Variants in IPO9 observed in about 807,000 individuals in gnomAD.
IPO9 encodes the protein importin-9.
In IPO9, 28 loss-of-function variants were observed where a neutral mutation model predicts 128.6. That is an observed-to-expected ratio of 0.22 (90% CI 0.16 to 0.30). The LOEUF is 0.30. IPO9 is among the 10% of genes least tolerant of loss of function. The probability of loss-of-function intolerance (pLI) is 1.00; values close to 1 mark genes in which losing one functional copy is unlikely to be tolerated. For synonymous variants in IPO9, 455 were observed against 475.8 expected (o/e 0.96, Z 0.57); for missense variants, 935 against 1,293.9 (o/e 0.72, Z 4.26).
Position 201,836,165 on chromosome 1 carries a change from A to G in IPO9, c.163+6793A>G, listed in dbSNP as rs529386582. Among the ~76,000 whole-genome samples the G allele has an allele frequency of 2.5e-4, 38 of 150,614 alleles. No homozygotes were observed. The South Asian group carries it at 7.8e-3, about 31-fold the overall frequency. ...AAAACAGACACCAATCAGTAAAACCAGAAGTCCCCCAACACACACACACGT... is the reference window on the plus strand; with the variant it reads ...AAAACAGACACCAATCAGTAAAACCGGAAGTCCCCCAACACACACACACGT... On this transcript the variant is annotated intron_variant, in intron 1 of 23. Coordinates refer to ENST00000361565, the MANE Select transcript of IPO9 (RefSeq NM_018085.5).
At chr1:201,858,652 G>T in intron 12 of IPO9, 99 bp downstream of exon 12, 1 of 878,820 alleles carries the variant, frequency 1.1e-6, no homozygotes, top group Non-Finnish European at 1.7e-6. Context: ...TGAAAATCTG[G>T]TTTTAATTTA....
At chr1:201,858,800 T>C (rs1290044299) in intron 12 of IPO9, 55 bp from the exon 13 acceptor site, 3 of 1,534,754 alleles carry the variant, frequency 2.0e-6, no homozygotes, top group East Asian at 4.6e-5. Flanking sequence ...TCCTCAAATA[T>C]TTATCTCTTT....
Position 201,854,822 on chromosome 1 carries a change from G to A in IPO9, c.811-1G>A. On this transcript the variant is annotated splice_acceptor_variant, in intron 7 of 23. Coordinates refer to ENST00000361565, the MANE Select transcript of IPO9 (RefSeq NM_018085.5). LOFTEE classifies it high-confidence loss of function. Reference sequence around the variant, plus strand: ...TGGGTCCTTTTCTCTTAACTTCTTAGGCAGTGACAGCCCTAGTGAAAAACT... The same window carrying A: ...TGGGTCCTTTTCTCTTAACTTCTTAAGCAGTGACAGCCCTAGTGAAAAACT... 6.2e-7 allele frequency: 1 copy of A among 1,606,320 alleles called. No individual in the cohort carries two copies. Among genetic ancestry groups the A allele is most frequent in the Non-Finnish European group, 8.5e-7 (1 of 1,177,458 alleles).
At chr1:201,872,508 G>A (rs1232160990) in intron 19 of IPO9, among the ~76,000 whole-genome samples, 1 of 152,108 alleles carries the variant, frequency 6.6e-6, no homozygotes, top group Non-Finnish European at 1.5e-5. Flanking sequence ...GGAGGCTGAG[G>A]TGGGAGGATC....
intron 15 of IPO9, 74 bp downstream of exon 15, chr1:201,867,033 T>G: frequency 8.1e-7 from 1 of 1,238,360 alleles, no homozygotes; most frequent in South Asian, 1.2e-5. Flanking sequence ...AAATGAAAGA[T>G]TCCCTAGGTC....
At chr1:201,875,365 G>C (rs1680742741) in intron 23 of IPO9, 137 bp downstream of exon 23, 1 of 767,596 alleles carries the variant, frequency 1.3e-6, no homozygotes, top group Admixed American at 2.0e-5. Context: ...CAAGGCGGGA[G>C]GATTGCTTAA....
intron 1 of IPO9, among the ~76,000 whole-genome samples, chr1:201,832,966 T>C (rs1407755182): frequency 6.6e-6 from 1 of 152,228 alleles, no homozygotes; most frequent in African/African-American, 2.4e-5. Context: ...AATTGTACTA[T>C]AGATGAGATT....
chr1:201,839,373 C>T (rs1392094380), intron 1 of IPO9, among the ~76,000 whole-genome samples: 2 of 151,952 alleles, frequency 1.3e-5, no homozygotes, highest in African/African-American at 4.8e-5. Context: ...CGCACCACCA[C>T]GCCCAGCTGA....
intron 20 of IPO9, among the ~76,000 whole-genome samples, chr1:201,873,971 T>G (rs1365970262): frequency 1.3e-5 from 2 of 152,250 alleles, no homozygotes; most frequent in Non-Finnish European, 2.9e-5. Context: ...ACTGGAGTAC[T>G]GGCTCTATAC....
At chr1:201,875,569 G>A (rs541121812) in intron 23 of IPO9, among the ~76,000 whole-genome samples, 9 of 148,822 alleles carry the variant, frequency 6.0e-5, no homozygotes, top group East Asian at 3.9e-4. Flanking sequence ...GAGCCTGGGC[G>A]ACAAAGCAAG....
At chr1:201,845,722 A>G (rs1680114146) in intron 1 of IPO9, among the ~76,000 whole-genome samples, 1 of 152,120 alleles carries the variant, frequency 6.6e-6, no homozygotes, top group African/African-American at 2.4e-5. Flanking sequence ...TTTTTTTCAC[A>G]CTGTTTGAAA....
chr1:201,849,509 C>A (rs1187025107), intron 4 of IPO9, among the ~76,000 whole-genome samples: 1 of 152,196 alleles, frequency 6.6e-6, no homozygotes, highest in African/African-American at 2.4e-5. Flanking sequence ...AATATCTTAT[C>A]TCTTTTTCTA....
At chr1:201,853,954 T>C (rs11577900) in intron 6 of IPO9, among the ~76,000 whole-genome samples, 22,788 of 152,154 alleles carry the variant, frequency 0.15, 2,234 homozygotes, top group Non-Finnish European at 0.22. Flanking sequence ...GCCAGGATGG[T>C]CTCAATATCT....
chr1:201,845,954 A>G (rs1680118166), intron 1 of IPO9, among the ~76,000 whole-genome samples: 1 of 152,132 alleles, frequency 6.6e-6, no homozygotes, highest in African/African-American at 2.4e-5. Flanking sequence ...TCTAAGTTCT[A>G]ATTTGGAGCC....
intron 16 of IPO9, among the ~76,000 whole-genome samples, 154 bp from the exon 17 acceptor site, chr1:201,869,436 C>T (rs878925290): frequency 1.3e-5 from 2 of 152,154 alleles, no homozygotes; most frequent in Admixed American, 1.3e-4. Flanking sequence ...GAGAGTACTA[C>T]CCATTTAATT....
chr1:201,834,181 C>T (rs985400234), intron 1 of IPO9, among the ~76,000 whole-genome samples: 211 of 129,374 alleles, frequency 1.6e-3, no homozygotes, highest in African/African-American at 5.9e-3. Flanking sequence ...TTTTTTTATT[C>T]GTTAGAGTAA....
chr1:201,866,530 A>G (rs1680557364), intron 14 of IPO9, among the ~76,000 whole-genome samples: 1 of 152,136 alleles, frequency 6.6e-6, no homozygotes, highest in South Asian at 2.1e-4. Context: ...AAAATAGCAA[A>G]AGTCAAAGAA....
chr1:201,858,715 T>G (rs982651828), intron 12 of IPO9, 140 bp from the exon 13 acceptor site: 1 of 903,760 alleles, frequency 1.1e-6, no homozygotes, highest in South Asian at 2.2e-5. Context: ...CAGCTATAGG[T>G]TAGAATGGAA....
At chr1:201,838,183 G>A (rs1236134613) in intron 1 of IPO9, among the ~76,000 whole-genome samples, 1 of 152,232 alleles carries the variant, frequency 6.6e-6, no homozygotes, top group East Asian at 1.9e-4. Flanking sequence ...CCATGTCCAG[G>A]GAGGCCAATC....
Sources: gnomAD v4.1 joint callset for allele counts (sites outside exome capture counted in the v4.1 genomes callset) on GRCh38, gnomAD v4.1.1 for gene constraint, MANE v1.5 for transcripts, NCBI Gene and HGNC (gene_info 2026-07-23, HGNC 2026-07-21) for gene names.